THBS4: variants seen among roughly 807,000 people sequenced by gnomAD.
THBS4 encodes the protein thrombospondin 4.
In THBS4, 90 loss-of-function variants were observed where a neutral mutation model predicts 115.7. The ratio of observed to expected loss-of-function variants is 0.78; its 90% CI spans 0.66 to 0.93. THBS4 has a LOEUF of 0.93. Among genes scored for constraint, THBS4 ranks in the 40% least tolerant of loss-of-function variants. The probability of loss-of-function intolerance (pLI) is 0.00; values close to 1 mark genes in which losing one functional copy is unlikely to be tolerated. For synonymous variants in THBS4, 460 were observed against 479.3 expected, an observed-to-expected ratio of 0.96 and a Z score of 0.53; for missense variants, 1,087 against 1,232.7, an observed-to-expected ratio of 0.88 and a Z score of 1.77.
intron 16 of THBS4, among the ~76,000 whole-genome samples, chr5:80,077,580 A>T (rs949787336): frequency 1.3e-5 from 2 of 152,248 alleles, no homozygotes; most frequent in African/African-American, 2.4e-5. Flanking sequence ...AGCAGTGCAC[A>T]TGCAAAAATG....
chr5:80,003,930 A>G (rs1178555493), intron 2 of THBS4, among the ~76,000 whole-genome samples: 1 of 152,200 alleles, frequency 6.6e-6, no homozygotes, highest in Non-Finnish European at 1.5e-5. Flanking sequence ...TTTAAAATTA[A>G]AAGTGTAGCT....
rs756145582 is a variant in THBS4, at chr5:80,068,086, C to A, written c.1308C>A (p.Ala436=). Residue 436 remains alanine (A), a synonymous_variant, in exon 10 of 22, where the codon GCC becomes GCA. Transcript: ENST00000350881. ...NPELNPCSVN[A]QCIEERQGDV... is the part of the protein sequence containing the mutation. ...AGCTGAACCCTTGCAGTGTGAATGC[C>A]CAGTGCATTGAAGAGAGGCAGGGGG... 6.2e-7 allele frequency: 1 copy of A among 1,614,112 alleles called. No individual in the cohort carries two copies. The highest frequency in any genetic ancestry group is 8.5e-7 in the Non-Finnish European group (1 of 1,180,020).
rs967415730 is a variant in THBS4 at position 80,073,451 on chromosome 5, T to C, written c.1892+124T>C. The C allele has an allele frequency of 8.5e-6, 7 of 823,312 alleles. No individual in the cohort carries two copies. In the African/African-American group the frequency reaches 1.2e-4, roughly 14 times the overall value. The allele number at this position is 823,312 out of a possible 1,614,324, so 51.0% of individuals were successfully genotyped here. On this transcript the variant is annotated intron_variant, in intron 15 of 21. Coordinates refer to ENST00000350881, the MANE Select transcript of THBS4 (RefSeq NM_003248.6). Reference sequence around the variant, plus strand: ...CAGGCTGGAGTACAGTGGTGCAATCTCGGCTCACTGCAAGCTCCGATTCCC... The same window carrying C: ...CAGGCTGGAGTACAGTGGTGCAATCCCGGCTCACTGCAAGCTCCGATTCCC...
chr5:80,082,537 G>A lies in THBS4; in HGVS notation c.2816G>A (p.Arg939His), dbSNP rs779995736. 1.3e-5 allele frequency: 21 copies of A among 1,613,990 alleles called. No homozygotes were observed. The highest frequency in any genetic ancestry group is 6.7e-5 in the East Asian group (3 of 44,890). ...ENIIWSNLKYRCNDTIPEDFQ... is the reference protein window; with the variant it reads ...ENIIWSNLKYHCNDTIPEDFQ... The stretch of plus-strand genomic sequence containing the variant: ...ATCATCTGGTCCAACCTCAAGTATC[G>A]CTGCAATGGTAATGTGCATTCTCGT... The change falls in exon 21 of 22, where the codon CGC becomes CAC. Residue 939 changes from arginine (R) to histidine (H), a missense_variant. Transcript: ENST00000350881.
intron 14 of THBS4, 142 bp downstream of exon 14, chr5:80,072,538 C>A: frequency 1.3e-6 from 1 of 742,234 alleles, no homozygotes; most frequent in Non-Finnish European, 2.3e-6. Context: ...AAATGACACA[C>A]TGTGGGCCTG....
intron 2 of THBS4, among the ~76,000 whole-genome samples, chr5:80,028,921 T>A (rs1832532996): frequency 6.6e-6 from 1 of 152,170 alleles, no homozygotes; most frequent in Admixed American, 6.5e-5. Context: ...CATCTGTACC[T>A]ACAGCTTTAG....
At position 80,016,676 on chromosome 5, in the gene THBS4, A is replaced by G. The variant is rs150404915; in HGVS notation, n.177+18249A>G. On this transcript the variant is annotated intron_variant and non_coding_transcript_variant, in intron 2 of 3. Transcript: ENST00000510218. ...TATTGCTAGCCCTAAAAAATGATCAATGAAGTATTGGCAATGTGAGGTGAT... is the reference window on the plus strand; with the variant it reads ...TATTGCTAGCCCTAAAAAATGATCAGTGAAGTATTGGCAATGTGAGGTGAT... Among the ~76,000 whole-genome samples the G allele has an allele frequency of 2.2e-3, 333 of 152,332 alleles. 1 individual carries two copies. The highest frequency in any genetic ancestry group is 3.9e-3 in the Non-Finnish European group (266 of 68,022).
At chr5:80,045,014 G>C (rs1833018121) in intron 2 of THBS4, among the ~76,000 whole-genome samples, 1 of 152,130 alleles carries the variant, frequency 6.6e-6, no homozygotes, top group Non-Finnish European at 1.5e-5. Context: ...AGCCCTTGTT[G>C]ATTGCCTATA....
chr5:80,048,811 G>T (rs1833159661), intron 2 of THBS4, among the ~76,000 whole-genome samples: 2 of 152,166 alleles, frequency 1.3e-5, no homozygotes, highest in Non-Finnish European at 2.9e-5. Flanking sequence ...AAGCACTAAA[G>T]TTACAAAGAC....
chr5:80,019,466 A>G (rs573519341), intron 2 of THBS4: 1 of 152,352 alleles, frequency 6.6e-6, no homozygotes, highest in South Asian at 2.1e-4. Context: ...AATTATCATT[A>G]CTTTTCTTAG....
intron 6 of THBS4, 24 bp from the exon 7 acceptor site, chr5:80,059,679 C>CTGTGGATGATTGTTT: frequency 1.2e-6 from 2 of 1,612,646 alleles, no homozygotes; most frequent in Non-Finnish European, 1.7e-6. Flanking sequence ...GTGAATACGC[C>CTGTGGATGATTGTTT]TGTGGATGAT....
At position 80,019,433 on chromosome 5, in the gene THBS4, C is replaced by T. The variant is rs536922903; in HGVS notation, n.178-20644C>T. ...TCACTTAAGAAAATTAGAATGCAAA[C>T]TGTATATTAAATGGCATTATGGAAT... On this transcript the variant is annotated intron_variant and non_coding_transcript_variant, in intron 2 of 3. Transcript: ENST00000510218. 1.5e-3 allele frequency among the ~76,000 whole-genome samples: 233 copies of T among 152,170 alleles called. 1 individual carries two copies. The highest frequency in any genetic ancestry group is 5.3e-3 in the African/African-American group (222 of 41,522).
chr5:80,020,965 TGAACTC>T (rs1021383681), intron 2 of THBS4, among the ~76,000 whole-genome samples: 15 of 152,228 alleles, frequency 9.9e-5, no homozygotes, highest in African/African-American at 3.6e-4. Context: ...GGCAAATGTA[TGAACTC>T]AATTTAAAAA....
upstream of THBS4, among the ~76,000 whole-genome samples, chr5:80,032,800 T>G (rs918406960): frequency 6.6e-6 from 1 of 152,104 alleles, no homozygotes; most frequent in Non-Finnish European, 1.5e-5. Context: ...AGATTGAGGG[T>G]GGGTCCGCCT....
chr5:80,059,869 C>T lies in THBS4; in HGVS notation c.951C>T (p.Tyr317=), dbSNP rs1474868871. ...GFQCGPCPEG[Y]TGNGITCIDV... ...AGTGTGGGCCCTGCCCCGAGGGCTA[C>T]ACAGGAAACGGGATCACCTGTATTG... The change falls in exon 7 of 22, where the codon TAC becomes TAT. Residue 317 remains tyrosine (Y), a synonymous_variant. Coordinates refer to ENST00000350881, the MANE Select transcript of THBS4 (RefSeq NM_003248.6). The T allele has an allele frequency of 6.2e-7, 1 of 1,614,106 alleles. No homozygotes were observed. Among genetic ancestry groups the T allele is most frequent in the Non-Finnish European group, 8.5e-7 (1 of 1,180,036 alleles).
At chr5:80,037,562 T>C (rs17886538) in intron 1 of THBS4, among the ~76,000 whole-genome samples, 1,900 of 152,318 alleles carry the variant, frequency 0.012, 46 homozygotes, top group African/African-American at 0.044. Flanking sequence ...ACACTCTCTA[T>C]GTTCATTACT....
intron 15 of THBS4, among the ~76,000 whole-genome samples, chr5:80,074,682 C>T (rs930388053): frequency 4.0e-5 from 6 of 150,326 alleles, no homozygotes; most frequent in Admixed American, 6.6e-5. Flanking sequence ...GGCGTGATCT[C>T]GGCTCACTGC....
At chr5:80,006,408 C>T (rs1165424627) in intron 2 of THBS4, among the ~76,000 whole-genome samples, 1 of 152,168 alleles carries the variant, frequency 6.6e-6, no homozygotes, top group Admixed American at 6.5e-5. Flanking sequence ...CTCTCTTTGC[C>T]TGCTGCCATC....
chr5:80,020,195 C>T (rs2434270), intron 2 of THBS4, among the ~76,000 whole-genome samples: 36,729 of 152,048 alleles, frequency 0.24, 4,883 homozygotes, highest in African/African-American at 0.35. Context: ...TGAAATGTGC[C>T]GGGCGCAGTG....
Sources: allele counts gnomAD v4.1 joint callset (sites outside exome capture counted in the v4.1 genomes callset), GRCh38; gene constraint gnomAD v4.1.1; transcripts MANE v1.5; gene names NCBI Gene and HGNC (gene_info 2026-07-23, HGNC 2026-07-21).